Variants in PATL2 observed in about 807,000 individuals in gnomAD.
PATL2 encodes protein PAT1 homolog 2.
In PATL2, 73 loss-of-function variants were observed where a neutral mutation model predicts 77.0. That is an observed-to-expected ratio of 0.95 (90% CI 0.78 to 1.15). The LOEUF is 1.15. PATL2 is among the 50% of genes most tolerant of loss of function. The probability of loss-of-function intolerance (pLI) is 0.00; values close to 1 mark genes in which losing one functional copy is unlikely to be tolerated. For missense variants in PATL2, 618 were observed against 655.4 expected, an observed-to-expected ratio of 0.94 and a Z score of 0.62; for synonymous variants, 265 against 257.1, an observed-to-expected ratio of 1.03 and a Z score of -0.29.
At chr15:44,675,923 T>C in intron 4 of PATL2, 1 of 508,366 alleles carries the variant, frequency 2.0e-6, no homozygotes, top group Non-Finnish European at 3.5e-6. Flanking sequence ...GGCTCGTGCC[T>C]GTAGTCCCAG....
chr15:44,676,917 C>A (rs888569605), intron 3 of PATL2: 2 of 1,021,448 alleles, frequency 2.0e-6, no homozygotes, highest in Non-Finnish European at 2.3e-6. Flanking sequence ...CAGCCTGGGC[C>A]AGGACCTGTT....
chr15:44,707,843 G>C (rs548458954), intron 3 of PATL2, among the ~76,000 whole-genome samples: 1 of 152,202 alleles, frequency 6.6e-6, no homozygotes, highest in Non-Finnish European at 1.5e-5. Context: ...TGCCTTTCAA[G>C]TTTATGTAGA....
In PATL2 at chr15:44,674,155, A is replaced by G. The variant is rs1264688545; in HGVS notation, c.298T>C (p.Trp100Arg). ...GMSLASLHFL[W>R]QTLDYLSPIP... ...GGAGACTGCAGCAGACTCACCTGCCACAGAAAATGCAAGGAGGCAAGTGAC... is the reference window on the plus strand; with the variant it reads ...GGAGACTGCAGCAGACTCACCTGCCGCAGAAAATGCAAGGAGGCAAGTGAC... The change falls in exon 6 of 18, where the codon TGG becomes CGG. Residue 100 changes from tryptophan to arginine, a missense_variant. Trp to Arg is a moderately radical substitution (Grantham distance 101). Transcript: ENST00000682850. 2 of 1,547,812 alleles carry G rather than the reference A, an allele frequency of 1.3e-6. No homozygotes were observed. Among genetic ancestry groups the G allele is most frequent in the Non-Finnish European group, 1.7e-6 (2 of 1,143,540 alleles).
At chr15:44,710,793 A>G (rs2086842981) in intron 2 of PATL2, among the ~76,000 whole-genome samples, 78 bp downstream of exon 2, 1 of 152,192 alleles carries the variant, frequency 6.6e-6, no homozygotes, top group Non-Finnish European at 1.5e-5. Context: ...AAGCCCTAGC[A>G]GTTACTGCTT....
Position 44,669,520 on chromosome 15 carries a change from C to T in PATL2, c.920G>A (p.Arg307Gln), listed in dbSNP as rs1029569899. The T allele has an allele frequency of 1.5e-5, 24 of 1,551,184 alleles. No homozygotes were observed. The Admixed American group carries it at 1.8e-4, about 11-fold the overall frequency. ...ASSQRLRVLY[R>Q]IEKMFLQLLE... ...GAACTGATATCTCACCTTCTCAATC[C>T]GGTATAATACCCGAAGCCTCTGACT... The change falls in exon 12 of 18, where the codon CGG becomes CAG. Residue 307 changes from arginine (R) to glutamine (Q), a missense_variant. Arg to Gln is a conservative substitution (Grantham distance 43). Coordinates refer to ENST00000682850, the MANE Select transcript of PATL2 (RefSeq NM_001387263.1).
chr15:44,672,171 G>A lies in PATL2; in HGVS notation c.516-15C>T, dbSNP rs1324048765. On this transcript the variant is annotated splice_polypyrimidine_tract_variant and intron_variant, in intron 8 of 17. Transcript: ENST00000682850. Reference sequence around the variant, plus strand: ...TGGCTGGGGGACTTTAAGCCAGGAGGAACAACCCTTTAGACTTACCCACCA... The same window carrying A: ...TGGCTGGGGGACTTTAAGCCAGGAGAAACAACCCTTTAGACTTACCCACCA... 1.0e-5 allele frequency: 16 copies of A among 1,551,646 alleles called. No individual in the cohort carries two copies. Among genetic ancestry groups the A allele is most frequent in the Non-Finnish European group, 1.3e-5 (15 of 1,146,980 alleles).
In PATL2 at chr15:44,676,462, C is replaced by T. The variant is rs952901157; in HGVS notation, c.16+13G>A. 1 of 1,546,616 alleles carries T rather than the reference C, an allele frequency of 6.5e-7. No individual in the cohort carries two copies. The highest frequency in any genetic ancestry group is 8.8e-7 in the Non-Finnish European group (1 of 1,142,508). On this transcript the variant is annotated intron_variant, in intron 4 of 17. Coordinates refer to ENST00000682850, the MANE Select transcript of PATL2 (RefSeq NM_001387263.1). ...GGGCATTTTATATAACATCACGGCC[C>T]ACTTGTTGATACCTTCAAGGCAATT...
chr15:44,690,189 C>CA (rs1329487192), intron 3 of PATL2, among the ~76,000 whole-genome samples: 1 of 151,396 alleles, frequency 6.6e-6, no homozygotes, highest in Non-Finnish European at 1.5e-5. Flanking sequence ...AACTCCGTCT[C>CA]AAAAAAAAGT....
chr15:44,710,834 C>A, intron 2 of PATL2, among the ~76,000 whole-genome samples, 37 bp downstream of exon 2: 1 of 149,974 alleles, frequency 6.7e-6, no homozygotes, highest in African/African-American at 2.5e-5. Flanking sequence ...TTTCTCCCCC[C>A]CGCCCCCCGA....
intron 6 of PATL2, 147 bp from the exon 7 acceptor site, chr15:44,673,524 T>A: frequency 9.7e-7 from 1 of 1,032,822 alleles, no homozygotes; most frequent in Non-Finnish European, 1.4e-6. Context: ...TCAAGGCAGC[T>A]TTGGGGGCAC....
chr15:44,685,319 C>A (rs1260715979), intron 3 of PATL2, among the ~76,000 whole-genome samples: 3 of 152,156 alleles, frequency 2.0e-5, no homozygotes, highest in Non-Finnish European at 4.4e-5. Context: ...GATAAAAAGT[C>A]AAGACCCTGC....
intron 3 of PATL2, among the ~76,000 whole-genome samples, chr15:44,682,013 G>GCTCTCTCCCT (rs1219854224): frequency 1.3e-5 from 2 of 152,204 alleles, no homozygotes; most frequent in Non-Finnish European, 2.9e-5. Context: ...CCCTACACTG[G>GCTCTCTCCCT]AGACCTCTCG....
Position 44,666,548 on chromosome 15 carries a change from A to G in PATL2, c.1464-7T>C. ...CAGAACCACCATGTCTGTCCTAGAG[A>G]GCATAAATATAAATATAAGCAAATA... On this transcript the variant is annotated splice_polypyrimidine_tract_variant and splice_region_variant and intron_variant, in intron 16 of 17. Coordinates refer to ENST00000682850, the MANE Select transcript of PATL2 (RefSeq NM_001387263.1). 2 of 1,508,190 alleles carry G rather than the reference A, an allele frequency of 1.3e-6. No homozygotes were observed. Among genetic ancestry groups the G allele is most frequent in the Non-Finnish European group, 1.8e-6 (2 of 1,129,332 alleles). The allele number at this position is 1,508,190 out of a possible 1,614,324, so 93.4% of individuals were successfully genotyped here.
chr15:44,671,676 T>C (rs1350874460), intron 9 of PATL2, among the ~76,000 whole-genome samples: 3 of 152,038 alleles, frequency 2.0e-5, no homozygotes, highest in Non-Finnish European at 4.4e-5. Context: ...ATCTAAAAAG[T>C]CAAAGTAGAT....
At chr15:44,703,723 C>CTTTTTTTTTTTTTTT (rs933165876) in intron 3 of PATL2, among the ~76,000 whole-genome samples, 1 of 33,004 alleles carries the variant, frequency 3.0e-5, no homozygotes, top group Non-Finnish European at 5.9e-5. Context: ...CCGGGTCTTG[C>CTTTTTTTTTTTTTTT]TTTTTTTTTT....
At chr15:44,679,746 C>G (rs573311861) in intron 3 of PATL2, among the ~76,000 whole-genome samples, 2 of 152,092 alleles carry the variant, frequency 1.3e-5, no homozygotes, top group Admixed American at 1.3e-4. Context: ...GTTCTTCTTT[C>G]TAGAGTTTGT....
chr15:44,703,959 T>C (rs1422627682), intron 3 of PATL2, among the ~76,000 whole-genome samples: 1 of 151,622 alleles, frequency 6.6e-6, no homozygotes, highest in East Asian at 1.9e-4. Flanking sequence ...ATTTCTTGCT[T>C]TTTATTTTTT....
At chr15:44,669,202 A>C in intron 13 of PATL2, 63 bp from the exon 14 acceptor site, 1 of 1,523,864 alleles carries the variant, frequency 6.6e-7, no homozygotes, top group Non-Finnish European at 8.9e-7. Flanking sequence ...ACATGCCACA[A>C]AGGAGAGGCA....
At chr15:44,667,295 G>T in intron 15 of PATL2, 92 bp from the exon 16 acceptor site, 1 of 932,032 alleles carries the variant, frequency 1.1e-6, no homozygotes, top group Non-Finnish European at 1.7e-6. Flanking sequence ...CTAAAGGACA[G>T]GTTCACATTT....
Sources: allele counts gnomAD v4.1 joint callset (sites outside exome capture counted in the v4.1 genomes callset), GRCh38; gene constraint gnomAD v4.1.1; transcripts MANE v1.5; gene names NCBI Gene and HGNC (gene_info 2026-07-23, HGNC 2026-07-21).